The following PDZD2 variants were observed in gnomAD, a reference collection of about 807,000 sequenced individuals.
PDZD2 encodes PDZ domain-containing protein 2.
PDZD2 carries 90 observed loss-of-function variants against 220.7 expected under a neutral mutation model. The ratio of observed to expected loss-of-function variants is 0.41; its 90% CI spans 0.34 to 0.49. The LOEUF (loss-of-function observed/expected upper bound fraction) is 0.49, where lower values mean the gene tolerates loss of function less well. Among genes scored for constraint, PDZD2 ranks in the 20% least tolerant of loss-of-function variants. The pLI, the probability that PDZD2 is intolerant of heterozygous loss-of-function variation, is 0.28. For synonymous variants in PDZD2, 1,375 were observed against 1,450.5 expected, an observed-to-expected ratio of 0.95 and a Z score of 1.18; for missense variants, 3,174 against 3,608.5, an observed-to-expected ratio of 0.88 and a Z score of 3.08.
At chr5:31,771,211 C>T (rs1430721277) in intron 1 of PDZD2, among the ~76,000 whole-genome samples, 2 of 152,208 alleles carry the variant, frequency 1.3e-5, no homozygotes, top group African/African-American at 4.8e-5. Context: ...GATACAGGGA[C>T]TGTCTGTGAC....
Position 31,897,964 on chromosome 5 carries a change from C to A in PDZD2, c.477-85191C>A, listed in dbSNP as rs144066518. ...CGTGTTGGCCAGCCTGGTCTCAAAA[C>A]TCCTGACCTCAGGTGATCTGACCAC... On this transcript the variant is annotated intron_variant, in intron 2 of 24. Transcript: ENST00000438447. Among the ~76,000 whole-genome samples, 1,099 of 152,272 alleles carry A rather than the reference C, an allele frequency of 7.2e-3. 13 individuals carry two copies. Among genetic ancestry groups the A allele is most frequent in the African/African-American group, 0.025 (1,053 of 41,556 alleles).
At chr5:32,032,912 G>T (rs1755236722) in intron 6 of PDZD2, among the ~76,000 whole-genome samples, 1 of 152,162 alleles carries the variant, frequency 6.6e-6, no homozygotes, top group Admixed American at 6.5e-5. Flanking sequence ...AGATGCTAAA[G>T]ATGCTTCTTC....
intron 6 of PDZD2, among the ~76,000 whole-genome samples, chr5:32,022,061 G>A (rs987592547): frequency 2.6e-5 from 4 of 152,132 alleles, no homozygotes; most frequent in African/African-American, 7.2e-5. Context: ...ACTGTGCTGG[G>A]TGCTTTGGGG....
intron 14 of PDZD2, among the ~76,000 whole-genome samples, chr5:32,065,818 A>G (rs1561489365): frequency 6.6e-6 from 1 of 152,098 alleles, no homozygotes; most frequent in Non-Finnish European, 1.5e-5. Context: ...TGCGATCAGG[A>G]GTTCTAGACC....
chr5:31,816,142 G>C (rs1755434574), intron 2 of PDZD2, among the ~76,000 whole-genome samples: 2 of 151,966 alleles, frequency 1.3e-5, no homozygotes, highest in South Asian at 4.2e-4. Flanking sequence ...CAAAAAATTA[G>C]CTGGGCATGG....
chr5:31,642,395 A>G (rs1744982035), intron 1 of PDZD2, among the ~76,000 whole-genome samples: 1 of 152,140 alleles, frequency 6.6e-6, no homozygotes, highest in Non-Finnish European at 1.5e-5. Context: ...TGTCTCAGAG[A>G]CGCCCATCCC....
intron 2 of PDZD2, chr5:31,855,013 G>C: frequency 1.0e-6 from 1 of 985,418 alleles, no homozygotes; most frequent in Non-Finnish European, 1.2e-6. Context: ...AGCCGCCCCA[G>C]GCCCCCGGGC....
At chr5:31,920,878 C>T (rs1744194056) in intron 2 of PDZD2, among the ~76,000 whole-genome samples, 2 of 152,148 alleles carry the variant, frequency 1.3e-5, no homozygotes, top group Admixed American at 6.5e-5. Flanking sequence ...ACAGATGGCC[C>T]CTTCAGATTG....
chr5:31,751,035 G>A (rs1750931352), intron 1 of PDZD2, among the ~76,000 whole-genome samples: 1 of 152,108 alleles, frequency 6.6e-6, no homozygotes, highest in South Asian at 2.1e-4. Flanking sequence ...CTGAGGTCAG[G>A]AGTTTGAGAC....
At chr5:31,910,909 A>G (rs1244915505) in intron 2 of PDZD2, among the ~76,000 whole-genome samples, 1 of 152,148 alleles carries the variant, frequency 6.6e-6, no homozygotes, top group Non-Finnish European at 1.5e-5. Context: ...TCCCCTAGGC[A>G]TAATTTTTAA....
rs531745573 is a variant in PDZD2 at position 31,755,798 on chromosome 5, A to T, written c.-360-43091A>T. 3.3e-5 allele frequency among the ~76,000 whole-genome samples: 5 copies of T among 152,272 alleles called. No individual in the cohort carries two copies. The East Asian group carries it at 9.6e-4, about 29-fold the overall frequency. On this transcript the variant is annotated intron_variant, in intron 1 of 24. Transcript: ENST00000438447. ...TCTAAATGGCAGCTATTAACAGCTGATGAACGTGGCCTGGCTGGGCTATGT... is the reference window on the plus strand; with the variant it reads ...TCTAAATGGCAGCTATTAACAGCTGTTGAACGTGGCCTGGCTGGGCTATGT...
intron 1 of PDZD2, among the ~76,000 whole-genome samples, chr5:31,796,177 A>AT (rs1319493897): frequency 6.6e-6 from 1 of 152,074 alleles, no homozygotes; most frequent in African/African-American, 2.4e-5. Flanking sequence ...GGTAAAGTTT[A>AT]TTTTCATTTA....
intron 2 of PDZD2, among the ~76,000 whole-genome samples, chr5:31,952,890 T>G (rs1278195382): frequency 6.6e-6 from 1 of 151,834 alleles, no homozygotes; most frequent in Non-Finnish European, 1.5e-5. Flanking sequence ...TGAAACCCTG[T>G]CTCTACTAAA....
At chr5:31,709,829 G>A (rs1019913489) in intron 1 of PDZD2, among the ~76,000 whole-genome samples, 4 of 152,096 alleles carry the variant, frequency 2.6e-5, no homozygotes, top group Admixed American at 6.5e-5. Flanking sequence ...GGTGGCACAC[G>A]CCTGTAATCC....
intron 1 of PDZD2, among the ~76,000 whole-genome samples, chr5:31,657,644 T>G (rs1404243886): frequency 6.6e-6 from 1 of 152,112 alleles, no homozygotes; most frequent in Non-Finnish European, 1.5e-5. Context: ...TATGGGATGG[T>G]CAGGAGCCTG....
At chr5:31,823,794 CT>C (rs760466906) in intron 2 of PDZD2, among the ~76,000 whole-genome samples, 7 of 152,194 alleles carry the variant, frequency 4.6e-5, no homozygotes, top group Non-Finnish European at 5.9e-5. Flanking sequence ...ATACACATTT[CT>C]TTACAGATGT....
At chr5:31,944,501 C>A (rs1746467249) in intron 2 of PDZD2, among the ~76,000 whole-genome samples, 1 of 152,206 alleles carries the variant, frequency 6.6e-6, no homozygotes, top group Non-Finnish European at 1.5e-5. Flanking sequence ...AACTCACTTC[C>A]TATAATTTTG....
At chr5:32,002,955 CACACACACACCA>C (rs1277057378) in intron 5 of PDZD2, among the ~76,000 whole-genome samples, 2 of 124,118 alleles carry the variant, frequency 1.6e-5, no homozygotes, top group Admixed American at 8.0e-5. Flanking sequence ...ACACACACAC[CACACACACACCA>C]ACACACACAC....
In PDZD2 at chr5:32,089,606, G is replaced by C. The variant is rs759921704; in HGVS notation, c.6158G>C (p.Ser2053Thr). The C allele has an allele frequency of 3.1e-6, 5 of 1,612,758 alleles. No homozygotes were observed. Among genetic ancestry groups the C allele is most frequent in the African/African-American group, 2.7e-5 (2 of 74,948 alleles). Residue 2053 changes from serine to threonine, a missense_variant, in exon 20 of 25, where the codon AGT becomes ACT. Around this residue, in one of 4 missense-constraint regions of PDZD2, gnomAD observed 1,861 missense variants for 2,001.0 expected, o/e 0.93. Transcript: ENST00000438447. ...NGMSVAGNRQ[S>T]EPRLASHVAA... ...ATGTCCGTGGCAGGGAACAGACAGA[G>C]TGAGCCGCGCCTGGCCAGCCATGTG...
Sources: allele counts gnomAD v4.1 joint callset (sites outside exome capture counted in the v4.1 genomes callset), GRCh38; gene constraint gnomAD v4.1.1; regional missense constraint gnomAD v4.1.1; transcripts MANE v1.5; gene names NCBI Gene and HGNC (gene_info 2026-07-23, HGNC 2026-07-21).